BEGAIN: variants seen among roughly 807,000 people sequenced by gnomAD.
BEGAIN encodes brain enriched guanylate kinase associated, also known as brain-enriched guanylate kinase-associated protein.
A neutral mutation model predicts 35.8 loss-of-function variants in BEGAIN; 19 were observed. That is an observed-to-expected ratio of 0.53 (90% CI 0.37 to 0.78). The LOEUF is 0.78. Ranked by LOEUF, BEGAIN falls within the 30% of genes least tolerant of loss-of-function variation. BEGAIN has a pLI of 0.00. For missense variants in BEGAIN, 795 were observed against 853.6 expected (o/e 0.93, Z 0.85); for synonymous variants, 462 against 388.6 (o/e 1.19, Z -2.22).
At chr14:100,565,524 AGGCCCTGG>A (rs2034614539) in intron 2 of BEGAIN, among the ~76,000 whole-genome samples, 1 of 152,120 alleles carries the variant, frequency 6.6e-6, no homozygotes, top group Non-Finnish European at 1.5e-5. Flanking sequence ...TCCTGGCTCC[AGGCCCTGG>A]GGGGTGTGGG....
chr14:100,544,901 T>C, intron 4 of BEGAIN, 99 bp downstream of exon 4: 1 of 1,187,336 alleles, frequency 8.4e-7, no homozygotes, highest in South Asian at 1.2e-5. Flanking sequence ...CAGCAAGACC[T>C]GTGTCCCAGC....
chr14:100,543,971 GGTGGGACA>G lies in BEGAIN; in HGVS notation c.301-14_301-7del. ...TCCTCCTCATAGTGCTGGCCCTGGG[GGTGGGACA>G]GTGGGAGGAGGAGGCCCGTGGTTGG... On this transcript the variant is annotated splice_region_variant and splice_polypyrimidine_tract_variant and intron_variant, in intron 4 of 6. Coordinates refer to ENST00000554140, the MANE Select transcript of BEGAIN (RefSeq NM_001385089.1). 6.2e-7 allele frequency: 1 copy of G among 1,602,842 alleles called. No homozygotes were observed. The highest frequency in any genetic ancestry group is 8.5e-7 in the Non-Finnish European group (1 of 1,174,720).
Position 100,538,976 on chromosome 14 carries a change from C to A in BEGAIN, c.832G>T (p.Ala278Ser). Residue 278 changes from alanine to serine, a missense_variant, in exon 7 of 7, where the codon GCC becomes TCC. Around this residue, in one of 3 missense-constraint regions of BEGAIN, gnomAD observed 664 missense variants for 647.7 expected, o/e 1.03. Transcript: ENST00000554140. The stretch of plus-strand genomic sequence containing the variant: ...GCCGCGCTGTCAGTGGAGTTCTGGG[C>A]CCGCAGGAAGCCCACGTCGGTCACG... ...APVTDVGFLR[A>S]QNSTDSAAEE... 2.5e-6 allele frequency: 4 copies of A among 1,610,148 alleles called. No homozygotes were observed. The highest frequency in any genetic ancestry group is 3.4e-6 in the Non-Finnish European group (4 of 1,178,680).
chr14:100,577,030 C>T (rs61993006), intron 1 of BEGAIN, among the ~76,000 whole-genome samples: 120 of 152,290 alleles, frequency 7.9e-4, no homozygotes, highest in Non-Finnish European at 1.5e-3. Context: ...AGGATAATCA[C>T]GGGAAAGCCC....
At chr14:100,557,111 G>A (rs11847572) in intron 2 of BEGAIN, among the ~76,000 whole-genome samples, 27 of 81,786 alleles carry the variant, frequency 3.3e-4, no homozygotes, top group African/African-American at 2.1e-3. Flanking sequence ...CAGGCCCCCA[G>A]TCCCAGCGCG....
Position 100,538,442 on chromosome 14 carries a change from C to T in BEGAIN, c.1366G>A (p.Gly456Ser), listed in dbSNP as rs2030951844. ...GAGAAGCTGCAGGGTGAGGCGCGGCCGGCAGCGCTCACGGGGTAGGAGTAG... is the reference window on the plus strand; with the variant it reads ...GAGAAGCTGCAGGGTGAGGCGCGGCTGGCAGCGCTCACGGGGTAGGAGTAG... ...GAYSYPVSAA[G>S]RASPCSFSER... The change falls in exon 7 of 7, where the codon GGC (glycine) becomes AGC (serine). Residue 456 changes from glycine (G) to serine (S), a missense_variant. By Grantham distance (56) the Gly-to-Ser change is moderately conservative. Transcript: ENST00000554140. 7 of 1,588,934 alleles carry T rather than the reference C, an allele frequency of 4.4e-6. No homozygotes were observed. The highest frequency in any genetic ancestry group is 6.0e-6 in the Non-Finnish European group (7 of 1,169,664).
At chr14:100,543,830 C>T (rs1309296852) in intron 5 of BEGAIN, 28 bp downstream of exon 5, 1 of 1,588,958 alleles carries the variant, frequency 6.3e-7, no homozygotes, top group South Asian at 1.1e-5. Flanking sequence ...CGGCAGTCTT[C>T]CATGGGCCAA....
At chr14:100,544,974 G>C in intron 4 of BEGAIN, 26 bp downstream of exon 4, 1 of 1,607,250 alleles carries the variant, frequency 6.2e-7, no homozygotes, top group Non-Finnish European at 8.5e-7. Flanking sequence ...TGGGGTGGGG[G>C]AGTGGGCGCT....
At chr14:100,561,385 C>T (rs916833157) in intron 2 of BEGAIN, among the ~76,000 whole-genome samples, 7 of 152,192 alleles carry the variant, frequency 4.6e-5, no homozygotes, top group Admixed American at 4.6e-4. Flanking sequence ...GTCTCCTGAG[C>T]CGCCTTCTCA....
chr14:100,544,667 C>G (rs1401892924), intron 4 of BEGAIN, among the ~76,000 whole-genome samples: 1 of 152,164 alleles, frequency 6.6e-6, no homozygotes, highest in Non-Finnish European at 1.5e-5. Context: ...GGCCTGAATT[C>G]GGGCCTCCCT....
chr14:100,546,772 GCGCGCGCGCACACACA>G, intron 2 of BEGAIN, 110 bp from the exon 3 acceptor site: 1 of 791,800 alleles, frequency 1.3e-6, no homozygotes, highest in African/African-American at 3.1e-5. Context: ...CGGCGCGCGC[GCGCGCGCGCACACACA>G]CACACACACA....
chr14:100,540,934 C>G (rs6575789), intron 5 of BEGAIN, among the ~76,000 whole-genome samples: 8,169 of 152,308 alleles, frequency 0.054, 759 homozygotes, highest in African/African-American at 0.19. Flanking sequence ...CCTGGTCTCC[C>G]TGTCCCTGTC....
intron 2 of BEGAIN, among the ~76,000 whole-genome samples, chr14:100,557,084 TCAGGGCGGGCCAAAGCCAGGCCCCCAG>T (rs1399447258): frequency 8.0e-6 from 1 of 124,398 alleles, no homozygotes; most frequent in African/African-American, 3.5e-5. Flanking sequence ...CACACCCGAG[TCAGGGCGGGCCAAAGCCAGGCCCCCAG>T]TCCCAGCGCG....
At chr14:100,544,866 T>C in intron 4 of BEGAIN, 134 bp downstream of exon 4, 1 of 900,800 alleles carries the variant, frequency 1.1e-6, no homozygotes, top group East Asian at 2.4e-5. Flanking sequence ...CTGCTCCACA[T>C]GTTCCATGGA....
intron 1 of BEGAIN, among the ~76,000 whole-genome samples, chr14:100,580,086 C>T (rs1171037977): frequency 6.6e-6 from 1 of 152,170 alleles, no homozygotes; most frequent in Admixed American, 6.5e-5. Context: ...AGGCGGATCA[C>T]CTGAGGTCAG....
chr14:100,556,939 T>C (rs550225186), intron 2 of BEGAIN, among the ~76,000 whole-genome samples: 3 of 152,292 alleles, frequency 2.0e-5, no homozygotes, highest in African/African-American at 7.2e-5. Flanking sequence ...TCCCCACTGA[T>C]CTCCATCCAA....
At chr14:100,548,042 A>G (rs1278652909) in intron 2 of BEGAIN, 2 of 151,802 alleles carry the variant, frequency 1.3e-5, no homozygotes, top group Non-Finnish European at 3.0e-5. Flanking sequence ...ATAAAAATAA[A>G]GCGTCGCTTA....
At position 100,567,874 on chromosome 14, in the gene BEGAIN, C is replaced by T. The variant is rs981206154; in HGVS notation, c.71+37G>A. 22 of 1,458,712 alleles carry T rather than the reference C, an allele frequency of 1.5e-5. No individual in the cohort carries two copies. Among genetic ancestry groups the T allele is most frequent in the Admixed American group, 2.3e-5 (1 of 44,168 alleles). 90.4% of individuals were successfully genotyped at this position (1,458,712 alleles called of 1,614,324 possible). A position where few individuals can be genotyped will look rare whatever the true frequency, so the allele number is the denominator to read the frequency against. The stretch of plus-strand genomic sequence containing the variant: ...CCCAGCGCCCTCACCCCCGACCCGG[C>T]CCCCGCGAGCCGCGGCACGGGAGAC... On this transcript the variant is annotated intron_variant, in intron 2 of 6. Coordinates refer to ENST00000554140, the MANE Select transcript of BEGAIN (RefSeq NM_001385089.1). This position sits in a 1 kb window ranked among gnomAD's most constrained non-coding sequence, Gnocchi z 5.1.
At position 100,538,932 on chromosome 14, in the gene BEGAIN, G is replaced by T. The variant is rs1478583791; in HGVS notation, c.876C>A (p.Ala292=). Residue 292 remains alanine, a synonymous_variant, in exon 7 of 7, where the codon GCC becomes GCA. Transcript: ENST00000554140. ...TDSAAEEEEE[A]EAAAFPAGFQ... Reference sequence around the variant, plus strand: ...AGCCCGCCGGGAAGGCCGCCGCCTCGGCCTCCTCCTCCTCCTCGGCCGCGC... The same window carrying T: ...AGCCCGCCGGGAAGGCCGCCGCCTCTGCCTCCTCCTCCTCCTCGGCCGCGC... The T allele has an allele frequency of 6.2e-7, 1 of 1,608,202 alleles. No individual in the cohort carries two copies. The highest frequency in any genetic ancestry group is 2.2e-5 in the East Asian group (1 of 44,732).
Sources: allele counts gnomAD v4.1 joint callset (sites outside exome capture counted in the v4.1 genomes callset), GRCh38; gene constraint gnomAD v4.1.1; regional missense constraint gnomAD v4.1.1; non-coding constraint Gnocchi (gnomAD v3.1); transcripts MANE v1.5; gene names NCBI Gene and HGNC (gene_info 2026-07-23, HGNC 2026-07-21).